Variants in RAP2C observed in about 807,000 individuals in gnomAD.
RAP2C encodes RAP2C, member of RAS oncogene family.
A neutral mutation model predicts 8.9 loss-of-function variants in RAP2C; 3 were observed. The observed-to-expected ratio is 0.34, with a 90% CI of 0.15 to 0.87. The LOEUF (loss-of-function observed/expected upper bound fraction) is 0.87. Among genes scored for constraint, RAP2C ranks in the 40% least tolerant of loss-of-function variants. The probability of loss-of-function intolerance (pLI) is 0.51; values close to 1 mark genes in which losing one functional copy is unlikely to be tolerated. For missense variants in RAP2C, 76 were observed against 133.7 expected, an observed-to-expected ratio of 0.57 and a Z score of 2.13; for synonymous variants, 60 against 52.1, an observed-to-expected ratio of 1.15 and a Z score of -0.65.
chrX:132,208,273 T>G lies in RAP2C; in HGVS notation c.*35-2686A>C, dbSNP rs1303591075. 2.7e-5 allele frequency among the ~76,000 whole-genome samples: 3 copies of G among 111,628 alleles called. No homozygotes were observed. The East Asian group carries it at 8.4e-4, about 31-fold the overall frequency. On this transcript the variant is annotated intron_variant, in intron 5 of 5. Transcript: ENST00000370874. ...GCAGTTTATGAATGTCTTTTTAGCT[T>G]AACTGGACTTACCTTATCTAAATAC...
intron 4 of RAP2C, among the ~76,000 whole-genome samples, chrX:132,214,919 C>A (rs773995756): frequency 2.7e-5 from 3 of 111,360 alleles, no homozygotes; most frequent in African/African-American, 9.8e-5. Context: ...GGAAAAAAAA[C>A]CACTTTGTAA....
At position 132,203,093 on chromosome X, in the gene RAP2C, A is replaced by C. The variant is rs1406406447; in HGVS notation, c.*2529T>G. The C allele has an allele frequency of 8.9e-6, 1 of 112,251 alleles. No homozygotes were observed. The highest frequency in any genetic ancestry group is 1.9e-5 in the Non-Finnish European group (1 of 53,189). The allele number at this position is 112,251 out of a possible 1,213,427, so 9.3% of individuals were successfully genotyped here. ...GTGGACTGCAGGGTCGTCTTACAAA[A>C]TGACAAGAATGAAATCTATTGGAAA... On this transcript the variant is annotated 3_prime_UTR_variant, in exon 6 of 6. Transcript: ENST00000370874.
chrX:132,213,185 C>T (rs943217695), intron 5 of RAP2C, among the ~76,000 whole-genome samples: 3 of 111,508 alleles, frequency 2.7e-5, no homozygotes, highest in African/African-American at 9.8e-5. Flanking sequence ...TCAGGCTAGT[C>T]TGGCATTTGC....
At position 132,217,430 on chromosome X, in the gene RAP2C, G is replaced by T. The variant is rs775400520; in HGVS notation, c.-162C>A. The T allele has an allele frequency of 4.8e-5, 18 of 373,483 alleles. No individual in the cohort carries two copies. The highest frequency in any genetic ancestry group is 6.7e-5 in the Non-Finnish European group (15 of 222,702). 30.8% of individuals were successfully genotyped at this position (373,483 alleles called of 1,213,427 possible). A position where few individuals can be genotyped will look rare whatever the true frequency, so the allele number is the denominator to read the frequency against. On this transcript the variant is annotated 5_prime_UTR_variant, in exon 4 of 6. Coordinates refer to ENST00000370874, the MANE Select transcript of RAP2C (RefSeq NM_001271186.2). ...GGGGAAGAAGAGGAAGTTACAGGAGGGGGAGGGGAAAGAGCGTAGAGTCGG... is the reference window on the plus strand; with the variant it reads ...GGGGAAGAAGAGGAAGTTACAGGAGTGGGAGGGGAAAGAGCGTAGAGTCGG...
chrX:132,207,102 T>C (rs1203649227), intron 5 of RAP2C, among the ~76,000 whole-genome samples: 2 of 111,775 alleles, frequency 1.8e-5, no homozygotes, highest in African/African-American at 6.5e-5. Context: ...CACAACAGTA[T>C]TTCATTATAT....
At chrX:132,212,620 C>T (rs944952288) in intron 5 of RAP2C, among the ~76,000 whole-genome samples, 4 of 112,194 alleles carry the variant, frequency 3.6e-5, no homozygotes, top group African/African-American at 9.7e-5. Context: ...TAGACACTTA[C>T]GTTATCTGCC....
Position 132,217,283 on chromosome X carries a change from C to T in RAP2C, c.-15G>A, listed in dbSNP as rs2124160575. On this transcript the variant is annotated 5_prime_UTR_variant, in exon 4 of 6. In the 5' UTR this introduces an upstream ATG that the reference lacks. Transcript: ENST00000370874. ...TATTCCCTCATGAGTCTCACCTTCA[C>T]CAACTCCTACCAGAGGGGGGGAAAG... 1 of 1,069,327 alleles carries T rather than the reference C, an allele frequency of 9.4e-7. No homozygotes were observed. The highest frequency in any genetic ancestry group is 1.9e-5 in the African/African-American group (1 of 52,720). The allele number at this position is 1,069,327 out of a possible 1,213,427, so 88.1% of individuals were successfully genotyped here.
At chrX:132,210,309 A>G (rs1930392979) in intron 5 of RAP2C, among the ~76,000 whole-genome samples, 2 of 112,145 alleles carry the variant, frequency 1.8e-5, no homozygotes, top group South Asian at 7.4e-4. Context: ...TAAAATTAAA[A>G]GTTAAAAAAA....
Position 132,217,537 on chromosome X carries a change from G to T in RAP2C, c.-269C>A. ...GGGCGTGGGGAGGAGGGCGAGCCTG[G>T]GAAAAGCCCGGCGAGGGTGGCGAGG... On this transcript the variant is annotated 5_prime_UTR_variant, in exon 4 of 6. Coordinates refer to ENST00000370874, the MANE Select transcript of RAP2C (RefSeq NM_001271186.2). The T allele has an allele frequency of 3.9e-6, 1 of 256,494 alleles. No homozygotes were observed. The highest frequency in any genetic ancestry group is 7.0e-6 in the Non-Finnish European group (1 of 143,761). The allele number at this position is 256,494 out of a possible 1,213,427, so 21.1% of individuals were successfully genotyped here. A position where few individuals can be genotyped will look rare whatever the true frequency, so the allele number is the denominator to read the frequency against.
At chrX:132,215,546 C>T (rs1352932219) in intron 4 of RAP2C, among the ~76,000 whole-genome samples, 1 of 111,798 alleles carries the variant, frequency 8.9e-6, no homozygotes, top group East Asian at 2.8e-4. Context: ...AGCTGAAAAT[C>T]CAAACTTAGG....
intron 5 of RAP2C, among the ~76,000 whole-genome samples, chrX:132,208,015 C>CCA (rs752116166): frequency 4.4e-4 from 48 of 108,045 alleles, no homozygotes; most frequent in African/African-American, 1.1e-3. Flanking sequence ...AAAAAAAAAA[C>CCA]CACACACACA....
At chrX:132,209,458 G>C (rs993462295) in intron 5 of RAP2C, among the ~76,000 whole-genome samples, 2 of 111,932 alleles carry the variant, frequency 1.8e-5, no homozygotes, top group African/African-American at 6.5e-5. Flanking sequence ...TCTAAGATTG[G>C]CTAATTAAAA....
intron 5 of RAP2C, among the ~76,000 whole-genome samples, chrX:132,206,313 T>C (rs1230943349): frequency 8.9e-6 from 1 of 112,023 alleles, no homozygotes; most frequent in Admixed American, 9.4e-5. Context: ...CATTTTCCAC[T>C]TGGGTCTGCC....
chrX:132,210,493 G>A (rs976314006), intron 5 of RAP2C, among the ~76,000 whole-genome samples: 2 of 111,741 alleles, frequency 1.8e-5, no homozygotes, highest in African/African-American at 6.5e-5. Flanking sequence ...GTAAAATGAC[G>A]TGCTAGTCTT....
chrX:132,205,611 T>C (rs1050002783), intron 5 of RAP2C, 24 bp from the exon 6 acceptor site: 2 of 111,795 alleles, frequency 1.8e-5, no homozygotes, highest in Non-Finnish European at 3.8e-5. Flanking sequence ...AAACATGTCA[T>C]AAAAATGTAG....
rs1008386659 is a variant in RAP2C, at chrX:132,218,249, G to T, written c.-653C>A. 9.2e-6 allele frequency: 1 copy of T among 108,895 alleles called. No homozygotes were observed. The highest frequency in any genetic ancestry group is 3.3e-5 in the African/African-American group (1 of 29,891). The allele number at this position is 108,895 out of a possible 1,213,427, so 9.0% of individuals were successfully genotyped here. Reference sequence around the variant, plus strand: ...AGTCCCACCTCTTCGGGGCGAGCCGGGTGGCGCTGGAGCCGCGCCCTGCTG... The same window carrying T: ...AGTCCCACCTCTTCGGGGCGAGCCGTGTGGCGCTGGAGCCGCGCCCTGCTG... On this transcript the variant is annotated 5_prime_UTR_variant, in exon 2 of 6. Transcript: ENST00000370874.
chrX:132,212,509 C>T (rs763668103), intron 5 of RAP2C, among the ~76,000 whole-genome samples: 1 of 112,237 alleles, frequency 8.9e-6, no homozygotes, highest in Admixed American at 9.4e-5. Context: ...TTCAGTTAAC[C>T]TCCTATAGCT....
intron 5 of RAP2C, among the ~76,000 whole-genome samples, chrX:132,210,127 A>G (rs1411389942): frequency 9.0e-6 from 1 of 111,086 alleles, no homozygotes; most frequent in African/African-American, 3.3e-5. Context: ...GAGCAGTGGG[A>G]AAAAAAGAAC....
Position 132,205,135 on chromosome X carries a change from G to C in RAP2C, c.*487C>G, listed in dbSNP as rs1347685477. ...AGTATTAACCAATAATTTTAAAGGAGAAAGATTTTACAAATAGGATGAAGC... is the reference window on the plus strand; with the variant it reads ...AGTATTAACCAATAATTTTAAAGGACAAAGATTTTACAAATAGGATGAAGC... On this transcript the variant is annotated 3_prime_UTR_variant, in exon 6 of 6. Coordinates refer to ENST00000370874, the MANE Select transcript of RAP2C (RefSeq NM_001271186.2). 1 of 111,715 alleles carries C rather than the reference G, an allele frequency of 9.0e-6. No individual in the cohort carries two copies. The highest frequency in any genetic ancestry group is 9.5e-5 in the Admixed American group (1 of 10,480). 9.2% of individuals were successfully genotyped at this position (111,715 alleles called of 1,213,427 possible). A position where few individuals can be genotyped will look rare whatever the true frequency, so the allele number is the denominator to read the frequency against.
Sources: gnomAD v4.1 joint callset for allele counts (sites outside exome capture counted in the v4.1 genomes callset) on GRCh38, gnomAD v4.1.1 for gene constraint, MANE v1.5 for transcripts, NCBI Gene and HGNC (gene_info 2026-07-23, HGNC 2026-07-21) for gene names.